The following NME9 variants were observed in gnomAD, a reference collection of about 807,000 sequenced individuals.
The protein encoded by NME9 is NME/NM23 family member 9.
NME9 carries 48 observed loss-of-function variants against 44.4 expected under a neutral mutation model. The ratio of observed to expected loss-of-function variants is 1.08; its 90% CI spans 0.86 to 1.37. NME9 has a LOEUF of 1.37. Ranked by LOEUF, NME9 falls within the 40% of genes most tolerant of loss-of-function variation. NME9 has a pLI of 0.00. For missense variants in NME9, 325 were observed against 405.2 expected, an observed-to-expected ratio of 0.80 and a Z score of 1.70; for synonymous variants, 139 against 147.1, an observed-to-expected ratio of 0.94 and a Z score of 0.40.
intron 4 of NME9, among the ~76,000 whole-genome samples, chr3:138,316,089 C>T (rs1000653045): frequency 6.6e-6 from 1 of 152,116 alleles, no homozygotes; most frequent in Admixed American, 6.5e-5. Context: ...GTCTCGGCCT[C>T]CCAAAGCGTT....
intron 8 of NME9, chr3:138,290,501 A>G (rs2050834620): frequency 7.1e-7 from 1 of 1,402,770 alleles, no homozygotes; most frequent in Non-Finnish European, 9.9e-7. Context: ...CAAAGAGAGC[A>G]TTTGCCTGGG....
intron 8 of NME9, among the ~76,000 whole-genome samples, chr3:138,273,826 T>TC (rs1256466192): frequency 6.6e-6 from 1 of 152,068 alleles, no homozygotes; most frequent in Non-Finnish European, 1.5e-5. Context: ...TCCCCCTTTT[T>TC]TTTTTTTTGA....
In NME9 at chr3:138,277,892, CATATAATGGG is replaced by C. The variant is rs141753609; in HGVS notation, c.746-15316_746-15307del. ...ATCCCTCAACAAACTATGGTGCATTCATATAATGGGATATCACAGTCACAATAAAGAGGGA... is the reference window on the plus strand; with the variant it reads ...ATCCCTCAACAAACTATGGTGCATTCATATCACAGTCACAATAAAGAGGGA... On this transcript the variant is annotated intron_variant, in intron 8 of 8. Coordinates refer to the NME9 transcript ENST00000317876. Among the ~76,000 whole-genome samples the C allele has an allele frequency of 3.8e-3, 576 of 152,278 alleles. 4 individuals carry two copies. The highest frequency in any genetic ancestry group is 0.013 in the African/African-American group (557 of 41,558).
downstream of NME9, among the ~76,000 whole-genome samples, chr3:138,299,610 C>T (rs536163074): frequency 6.6e-6 from 1 of 152,204 alleles, no homozygotes; most frequent in South Asian, 2.1e-4. Flanking sequence ...TTAGAGATGC[C>T]CTGCAATGCT....
intron 8 of NME9, among the ~76,000 whole-genome samples, chr3:138,266,714 C>T (rs2048316123): frequency 6.6e-6 from 1 of 152,160 alleles, no homozygotes; most frequent in African/African-American, 2.4e-5. Context: ...GCAGTAGTAG[C>T]CTGCTTGATT....
chr3:138,293,941 A>G (rs1047669268), intron 8 of NME9, among the ~76,000 whole-genome samples: 2 of 152,208 alleles, frequency 1.3e-5, no homozygotes, highest in Non-Finnish European at 2.9e-5. Flanking sequence ...GTAAAATAAT[A>G]GAATCAAGGT....
At chr3:138,323,862 G>T (rs1373232622) in intron 2 of NME9, among the ~76,000 whole-genome samples, 4 of 152,182 alleles carry the variant, frequency 2.6e-5, no homozygotes, top group African/African-American at 7.2e-5. Flanking sequence ...GGTGACAGTA[G>T]GTGGTAGGCA....
intron 8 of NME9, among the ~76,000 whole-genome samples, chr3:138,264,616 C>T (rs928409868): frequency 3.3e-5 from 5 of 151,354 alleles, no homozygotes; most frequent in African/African-American, 4.8e-5. Flanking sequence ...GGCGGGGTTT[C>T]ACCATATTGG....
intron 6 of NME9, among the ~76,000 whole-genome samples, chr3:138,308,360 C>T (rs939429540): frequency 6.6e-6 from 1 of 152,008 alleles, no homozygotes; most frequent in Non-Finnish European, 1.5e-5. Flanking sequence ...TCTGGTTTTC[C>T]CTCATGTCTC....
intron 5 of NME9, 118 bp from the exon 6 acceptor site, chr3:138,314,525 CAAAATTATCAGTCTTGGA>C: frequency 1.5e-6 from 1 of 645,246 alleles, no homozygotes; most frequent in Middle Eastern, 3.4e-4. Flanking sequence ...AAAAAAATGT[CAAAATTATCAGTCTTGGA>C]AACTTTACAG....
intron 8 of NME9, chr3:138,264,037 A>T: frequency 8.6e-7 from 1 of 1,157,580 alleles, no homozygotes; most frequent in Non-Finnish European, 1.3e-6. Context: ...GATATGCTTG[A>T]AGTGTACATT....
At chr3:138,263,623 A>G in intron 8 of NME9, 2 of 937,958 alleles carry the variant, frequency 2.1e-6, no homozygotes, top group Admixed American at 1.7e-5. Context: ...AGAGGTAAAA[A>G]CTCTTGCCAA....
chr3:138,287,830 A>G (rs1396456059), intron 8 of NME9: 1 of 329,198 alleles, frequency 3.0e-6, no homozygotes, highest in African/African-American at 2.1e-5. Context: ...ACTCTCTCAG[A>G]TGTGCATAAA....
chr3:138,314,774 T>C (rs2052954039), intron 5 of NME9, among the ~76,000 whole-genome samples: 1 of 152,214 alleles, frequency 6.6e-6, no homozygotes, highest in African/African-American at 2.4e-5. Context: ...CACATGAAAA[T>C]GTTAGCATTT....
At chr3:138,289,295 T>C (rs1172578718) in intron 8 of NME9, among the ~76,000 whole-genome samples, 1 of 152,176 alleles carries the variant, frequency 6.6e-6, no homozygotes, top group Non-Finnish European at 1.5e-5. Context: ...CCAAGTCAGC[T>C]GGTCAGTCAA....
chr3:138,295,353 A>G (rs1434130904), intron 8 of NME9, among the ~76,000 whole-genome samples: 2 of 152,242 alleles, frequency 1.3e-5, no homozygotes, highest in South Asian at 2.1e-4. Context: ...CATGTGAAGC[A>G]TAAGACAGCC....
chr3:138,276,687 A>G (rs1449756693), intron 8 of NME9, among the ~76,000 whole-genome samples: 1 of 152,236 alleles, frequency 6.6e-6, no homozygotes, highest in Non-Finnish European at 1.5e-5. Context: ...TTAGAAAAAA[A>G]TGAAATTCTA....
chr3:138,306,384 G>T lies in NME9; in HGVS notation c.543+14C>A. ...ACAAGGACAGTGGTGCATGGTAAGT[G>T]TTGTCTCTCTTACCTTCATGATAAT... is the stretch of plus-strand genomic sequence containing the variant. On this transcript the variant is annotated intron_variant, in intron 7 of 10. Transcript: ENST00000333911. 1 of 1,585,712 alleles carries T rather than the reference G, an allele frequency of 6.3e-7. No homozygotes were observed. Among genetic ancestry groups the T allele is most frequent in the South Asian group, 1.1e-5 (1 of 90,486 alleles).
At position 138,329,581 on chromosome 3, in the gene NME9, C is replaced by T; in HGVS notation, c.-246G>A. 7.6e-7 allele frequency: 1 copy of T among 1,314,252 alleles called. No individual in the cohort carries two copies. The highest frequency in any genetic ancestry group is 9.7e-7 in the Non-Finnish European group (1 of 1,034,202). The allele number at this position is 1,314,252 out of a possible 1,614,324, so 81.4% of individuals were successfully genotyped here. A position where few individuals can be genotyped will look rare whatever the true frequency, so the allele number is the denominator to read the frequency against. On this transcript the variant is annotated 5_prime_UTR_variant, in exon 1 of 11. Transcript: ENST00000333911. Reference sequence around the variant, plus strand: ...GGCTCGTGGCTCGCCGGGCGGTTTTCTGGGGATCTGCGAAGCCCCCTCCCC... The same window carrying T: ...GGCTCGTGGCTCGCCGGGCGGTTTTTTGGGGATCTGCGAAGCCCCCTCCCC...
Sources: allele counts gnomAD v4.1 joint callset (sites outside exome capture counted in the v4.1 genomes callset), GRCh38; gene constraint gnomAD v4.1.1; transcripts MANE v1.5; gene names NCBI Gene and HGNC (gene_info 2026-07-23, HGNC 2026-07-21).